CATSPERE: variants seen among roughly 807,000 people sequenced by gnomAD.
The protein encoded by CATSPERE is catsper channel auxiliary subunit epsilon.
Under a neutral mutation model 114.1 loss-of-function variants are expected in CATSPERE, and 93 were observed. That is an observed-to-expected ratio of 0.81 (90% CI 0.69 to 0.97). The LOEUF (loss-of-function observed/expected upper bound fraction) is 0.97, where lower values mean the gene tolerates loss of function less well. Among genes scored for constraint, CATSPERE ranks in the 50% least tolerant of loss-of-function variants. The probability of loss-of-function intolerance (pLI) is 0.00; values close to 1 mark genes in which losing one functional copy is unlikely to be tolerated. For missense variants in CATSPERE, 1,058 were observed against 1,131.6 expected (o/e 0.93, Z 0.93); for synonymous variants, 341 against 384.1 (o/e 0.89, Z 1.31).
At position 244,470,790 on chromosome 1, in the gene CATSPERE, A is replaced by T. The variant is rs185560789; in HGVS notation, c.115-6751A>T. On this transcript the variant is annotated intron_variant, in intron 2 of 21. Coordinates refer to ENST00000366534, the MANE Select transcript of CATSPERE (RefSeq NM_001130957.2). Reference sequence around the variant, plus strand: ...TGTTCATCAACTAAGGAAAGGATAAATAAAATGTAGTATGTTTATATAATG... The same window carrying T: ...TGTTCATCAACTAAGGAAAGGATAATTAAAATGTAGTATGTTTATATAATG... Among the ~76,000 whole-genome samples the T allele has an allele frequency of 1.6e-3, 248 of 152,390 alleles. 1 individual carries two copies. Among genetic ancestry groups the T allele is most frequent in the African/African-American group, 5.7e-3 (237 of 41,598 alleles).
At chr1:244,499,206 A>G (rs1673601959) in intron 7 of CATSPERE, 127 bp downstream of exon 7, 3 of 572,966 alleles carry the variant, frequency 5.2e-6, no homozygotes, top group South Asian at 3.0e-5. Flanking sequence ...ATACATTTGC[A>G]TGATCCCTTT....
rs1161612742 is a variant in CATSPERE at position 244,565,657 on chromosome 1, G to C, written c.1507+4512G>C. On this transcript the variant is annotated intron_variant, in intron 10 of 21. Transcript: ENST00000366534. Reference sequence around the variant, plus strand: ...CCTTTCTTCTTTATTAGGCTGACTAGTGGTCTATTTTGTTGATCTTTTCAA... The same window carrying C: ...CCTTTCTTCTTTATTAGGCTGACTACTGGTCTATTTTGTTGATCTTTTCAA... 2.0e-5 allele frequency among the ~76,000 whole-genome samples: 3 copies of C among 151,968 alleles called. No homozygotes were observed. The East Asian group carries it at 5.8e-4, about 29-fold the overall frequency.
intron 21 of CATSPERE, among the ~76,000 whole-genome samples, chr1:244,637,206 G>T (rs1357515925): frequency 6.6e-6 from 1 of 152,018 alleles, no homozygotes; most frequent in Non-Finnish European, 1.5e-5. Flanking sequence ...AAACCTACCC[G>T]ATCCTTTGAG....
intron 20 of CATSPERE, among the ~76,000 whole-genome samples, chr1:244,624,659 G>A (rs921905873): frequency 3.3e-5 from 5 of 151,924 alleles, no homozygotes; most frequent in East Asian, 3.9e-4. Flanking sequence ...AAAGTTAGCC[G>A]GGCATGGTGA....
intron 7 of CATSPERE, among the ~76,000 whole-genome samples, chr1:244,517,369 C>T (rs3006044): frequency 2.0e-5 from 3 of 151,842 alleles, no homozygotes; most frequent in East Asian, 1.9e-4. Context: ...AGCAGTTATA[C>T]AAAAGGTAGT....
At chr1:244,589,883 C>G (rs762984495) in intron 14 of CATSPERE, among the ~76,000 whole-genome samples, 2 of 152,138 alleles carry the variant, frequency 1.3e-5, no homozygotes, top group African/African-American at 2.4e-5. Flanking sequence ...TACTCTGGGC[C>G]TCTTAGTCAA....
Position 244,461,447 on chromosome 1 carries a change from G to C in CATSPERE, c.18G>C (p.Val6=). 2 of 1,388,956 alleles carry C rather than the reference G, an allele frequency of 1.4e-6. No homozygotes were observed. The highest frequency in any genetic ancestry group is 1.9e-6 in the Non-Finnish European group (2 of 1,062,978). 86.0% of individuals were successfully genotyped at this position (1,388,956 alleles called of 1,614,324 possible). The change falls in exon 1 of 22, where the codon GTG becomes GTC. Residue 6 remains valine (V), a synonymous_variant. Coordinates refer to ENST00000366534, the MANE Select transcript of CATSPERE (RefSeq NM_001130957.2). ...CAGGCGCCATGTCAGCCCGGGAAGT[G>C]GCCGTGCTGCTGCTGTGGCTGAGCT... MSARE[V]AVLLLWLSCY... is the part of the protein sequence containing the mutation.
intron 10 of CATSPERE, among the ~76,000 whole-genome samples, 162 bp downstream of exon 10, chr1:244,561,307 T>G (rs1166310196): frequency 6.6e-6 from 1 of 152,244 alleles, no homozygotes; most frequent in East Asian, 1.9e-4. Flanking sequence ...ACAAGTAATG[T>G]TAACTATGAT....
rs1198423146 is a variant in CATSPERE at position 244,581,849 on chromosome 1, G to A, written c.2004G>A (p.Glu668=). Residue 668 remains glutamate (E), a synonymous_variant, in exon 12 of 22, where the codon GAG becomes GAA. Coordinates refer to ENST00000366534, the MANE Select transcript of CATSPERE (RefSeq NM_001130957.2). The part of the protein sequence containing the change: ...VDYERISDYF[E]TQDKHTGLVL... Reference sequence around the variant, plus strand: ...ATGAGAGAATATCTGATTACTTTGAGACACAGTAAGTATAACTTTTAAAAG... The same window carrying A: ...ATGAGAGAATATCTGATTACTTTGAAACACAGTAAGTATAACTTTTAAAAG... 2 of 1,289,984 alleles carry A rather than the reference G, an allele frequency of 1.6e-6. No homozygotes were observed. The highest frequency in any genetic ancestry group is 5.0e-5 in the East Asian group (2 of 39,844). The allele number at this position is 1,289,984 out of a possible 1,614,324, so 79.9% of individuals were successfully genotyped here. A position where few individuals can be genotyped will look rare whatever the true frequency, so the allele number is the denominator to read the frequency against.
intron 8 of CATSPERE, among the ~76,000 whole-genome samples, chr1:244,528,921 A>G (rs1490244662): frequency 3.3e-5 from 5 of 152,106 alleles, no homozygotes; most frequent in Non-Finnish European, 7.4e-5. Flanking sequence ...AAGTGAGAAT[A>G]TGGTGAAGTT....
chr1:244,582,008 T>G (rs1666265306), intron 12 of CATSPERE, among the ~76,000 whole-genome samples, 154 bp downstream of exon 12: 2 of 152,216 alleles, frequency 1.3e-5, no homozygotes, highest in South Asian at 4.1e-4. Context: ...AAATTAATAT[T>G]TAGCTGTATA....
At chr1:244,481,535 G>C (rs3003311) in intron 5 of CATSPERE, among the ~76,000 whole-genome samples, 33,432 of 152,002 alleles carry the variant, frequency 0.22, 4,286 homozygotes, top group Middle Eastern at 0.35. Context: ...TGGCCAAATG[G>C]GCTACTTTCT....
chr1:244,613,554 G>T (rs943144980), intron 19 of CATSPERE, among the ~76,000 whole-genome samples: 1 of 152,156 alleles, frequency 6.6e-6, no homozygotes, highest in Non-Finnish European at 1.5e-5. Context: ...GACCTGCTAA[G>T]AAGGGAAATA....
In CATSPERE at chr1:244,591,708, T is replaced by C. The variant is rs370186405; in HGVS notation, c.2166T>C (p.His722=). 15 of 1,517,334 alleles carry C rather than the reference T, an allele frequency of 9.9e-6. No homozygotes were observed. Among genetic ancestry groups the C allele is most frequent in the Non-Finnish European group, 1.4e-5 (15 of 1,100,654 alleles). 94.0% of individuals were successfully genotyped at this position (1,517,334 alleles called of 1,614,324 possible). The change falls in exon 15 of 22, where the codon CAT becomes CAC. Residue 722 remains histidine (H), a synonymous_variant. Coordinates refer to ENST00000366534, the MANE Select transcript of CATSPERE (RefSeq NM_001130957.2). The part of the protein sequence containing the change: ...KGFSKKGCHH[H]DFSYVIEKSY... ...TTAGTAAAAAAGGATGTCATCACCATGATTTTTCATACGTGATTGAAAAGT... is the reference window on the plus strand; with the variant it reads ...TTAGTAAAAAAGGATGTCATCACCACGATTTTTCATACGTGATTGAAAAGT...
At chr1:244,566,652 C>CTTTTTTTTTTTTTTTTTTTTTT (rs59466928) in intron 10 of CATSPERE, among the ~76,000 whole-genome samples, 2 of 49,064 alleles carry the variant, frequency 4.1e-5, no homozygotes, top group Non-Finnish European at 1.4e-4. Context: ...GCAACCCCTG[C>CTTTTTTTTTTTTTTTTTTTTTT]TTTTTTTTTT....
intron 20 of CATSPERE, among the ~76,000 whole-genome samples, chr1:244,625,115 A>C (rs778165269): frequency 6.6e-6 from 1 of 151,918 alleles, no homozygotes; most frequent in Non-Finnish European, 1.5e-5. Flanking sequence ...CAGGTTTTCA[A>C]TTTATTTTGT....
intron 17 of CATSPERE, among the ~76,000 whole-genome samples, chr1:244,605,070 G>T (rs1011584615): frequency 1.3e-5 from 2 of 152,118 alleles, no homozygotes; most frequent in Non-Finnish European, 2.9e-5. Flanking sequence ...GCCTCACCTC[G>T]ACTTACTGAC....
chr1:244,610,222 T>C lies in CATSPERE; in HGVS notation c.2404-18T>C. 6.4e-7 allele frequency: 1 copy of C among 1,559,692 alleles called. No homozygotes were observed. Among genetic ancestry groups the C allele is most frequent in the Non-Finnish European group, 8.8e-7 (1 of 1,140,178 alleles). ...GAAAACTTCTACCTACCCACATACATGTGCCATCTTTTGACAGAGTGGTTG... is the reference window on the plus strand; with the variant it reads ...GAAAACTTCTACCTACCCACATACACGTGCCATCTTTTGACAGAGTGGTTG... On this transcript the variant is annotated intron_variant, in intron 18 of 21. Coordinates refer to ENST00000366534, the MANE Select transcript of CATSPERE (RefSeq NM_001130957.2).
At chr1:244,533,664 G>T (rs920376675) in intron 8 of CATSPERE, among the ~76,000 whole-genome samples, 20 of 151,938 alleles carry the variant, frequency 1.3e-4, no homozygotes, top group Non-Finnish European at 2.5e-4. Flanking sequence ...CTTTAACCTT[G>T]TACCCCTGCT....
Sources: gnomAD v4.1 joint callset for allele counts (sites outside exome capture counted in the v4.1 genomes callset) on GRCh38, gnomAD v4.1.1 for gene constraint, MANE v1.5 for transcripts, NCBI Gene and HGNC (gene_info 2026-07-23, HGNC 2026-07-21) for gene names.